Variants in MINAR1 observed in about 807,000 individuals in gnomAD.
The protein encoded by MINAR1 is membrane integral NOTCH2 associated receptor 1, also known as major intrinsically disordered Notch2-binding receptor 1.
Under a neutral mutation model 65.1 loss-of-function variants are expected in MINAR1, and 40 were observed. The ratio of observed to expected loss-of-function variants is 0.61; its 90% confidence interval spans 0.48 to 0.80. MINAR1 has a LOEUF of 0.80. Ranked by LOEUF, MINAR1 falls within the 30% of genes least tolerant of loss-of-function variation. The pLI, the probability that MINAR1 is intolerant of heterozygous loss-of-function variation, is 0.00. For synonymous variants in MINAR1, 482 were observed against 449.1 expected, an observed-to-expected ratio of 1.07 and a Z score of -0.93; for missense variants, 1,128 against 1,148.0, an observed-to-expected ratio of 0.98 and a Z score of 0.25.
chr15:79,469,794 T>TTA lies in MINAR1; in HGVS notation c.*1418_*1419dup, dbSNP rs1896008468. 6.6e-6 allele frequency: 1 copy of TTA among 152,620 alleles called. No homozygotes were observed. The highest frequency in any genetic ancestry group is 6.5e-5 in the Admixed American group (1 of 15,284). 9.5% of individuals were successfully genotyped at this position (152,620 alleles called of 1,614,324 possible). A position where few individuals can be genotyped will look rare whatever the true frequency, so the allele number is the denominator to read the frequency against. On this transcript the variant is annotated 3_prime_UTR_variant, in exon 4 of 4. Coordinates refer to ENST00000305428, the MANE Select transcript of MINAR1 (RefSeq NM_015206.3). Reference sequence around the variant, plus strand: ...AAAGGATTGACAGAAACTAGCTACCTTATATATATTTTTTGATAATAAGGT... The same window carrying TTA: ...AAAGGATTGACAGAAACTAGCTACCTTATATATATATTTTTTGATAATAAGGT...
chr15:79,440,775 T>C (rs1228176472), intron 1 of MINAR1, among the ~76,000 whole-genome samples: 3 of 152,198 alleles, frequency 2.0e-5, no homozygotes, highest in Non-Finnish European at 2.9e-5. Context: ...TTTACAGTTG[T>C]AATACCTCCC....
At chr15:79,454,311 A>G (rs1277042684) in intron 1 of MINAR1, among the ~76,000 whole-genome samples, 1 of 152,208 alleles carries the variant, frequency 6.6e-6, no homozygotes, top group South Asian at 2.1e-4. Flanking sequence ...ATAGAAGCCT[A>G]TTGGGAGTGG....
In MINAR1 at chr15:79,456,333, C is replaced by T. The variant is rs1361392847; in HGVS notation, c.186C>T (p.Ala62=). 1.2e-6 allele frequency: 2 copies of T among 1,614,224 alleles called. No individual in the cohort carries two copies. Among genetic ancestry groups the T allele is most frequent in the Admixed American group, 3.3e-5 (2 of 60,030 alleles). The part of the protein sequence containing the change: ...YTACLDPNFP[A]TLFKDKMKCT... ...CTTGTCTCGATCCCAATTTTCCAGC[C>T]ACGCTATTCAAAGACAAGATGAAAT... Residue 62 remains alanine, a synonymous_variant, in exon 2 of 4, where the codon GCC becomes GCT. Transcript: ENST00000305428.
chr15:79,442,940 G>A (rs1567051905), intron 1 of MINAR1, among the ~76,000 whole-genome samples: 1 of 152,110 alleles, frequency 6.6e-6, no homozygotes, highest in Admixed American at 6.5e-5. Flanking sequence ...TATAGTTCAA[G>A]TCCCACCTGC....
upstream of MINAR1, among the ~76,000 whole-genome samples, chr15:79,431,774 G>A (rs140290666): frequency 2.5e-4 from 38 of 152,326 alleles, 1 homozygote; most frequent in East Asian, 7.2e-3. Flanking sequence ...CCCCGCGGGT[G>A]GCTCCGGGTG....
the MINAR1 span, chr15:79,424,014 A>G: frequency 5.3e-5 from 8 of 152,226 alleles, no homozygotes; most frequent in Non-Finnish European, 1.2e-4. Context: ...ATCTGGTGCT[A>G]ACAGAGCTAT....
At position 79,468,423 on chromosome 15, in the gene MINAR1, A is replaced by C; in HGVS notation, c.*39A>C. ...CCTTACGTACAGCTTATGACTACCA[A>C]TGTCGTCGTCTGTATCTTAGAATCT... On this transcript the variant is annotated 3_prime_UTR_variant, in exon 4 of 4. Transcript: ENST00000305428. 1 of 1,567,684 alleles carries C rather than the reference A, an allele frequency of 6.4e-7. No individual in the cohort carries two copies. Among genetic ancestry groups the C allele is most frequent in the Non-Finnish European group, 8.7e-7 (1 of 1,144,022 alleles).
At position 79,463,395 on chromosome 15, in the gene MINAR1, C is replaced by CG. The variant is rs1387848706; in HGVS notation, c.2553+76dup. ...CAAATGCCCTGGAATGGATCACGGA[C>CG]GGCTTAGACCGGCCAGCCCACTTCC... On this transcript the variant is annotated intron_variant, in intron 3 of 3. Transcript: ENST00000305428. 7 of 1,551,906 alleles carry CG rather than the reference C, an allele frequency of 4.5e-6. No homozygotes were observed. In the African/African-American group the frequency reaches 6.8e-5, roughly 15 times the overall value.
chr15:79,422,803 G>C, the MINAR1 span: 1 of 152,220 alleles, frequency 6.6e-6, no homozygotes. Context: ...CCAGACCACA[G>C]AAGAAGGTAA....
At chr15:79,435,374 C>T (rs1343425588) in intron 1 of MINAR1, among the ~76,000 whole-genome samples, 6 of 152,200 alleles carry the variant, frequency 3.9e-5, no homozygotes, top group African/African-American at 1.2e-4. Flanking sequence ...CCTTTGGAAC[C>T]CCTACAGGCT....
At chr15:79,467,048 C>T (rs915412890) in intron 3 of MINAR1, among the ~76,000 whole-genome samples, 5 of 152,118 alleles carry the variant, frequency 3.3e-5, no homozygotes, top group African/African-American at 1.2e-4. Context: ...TGTCCATGTA[C>T]GTTATATTCC....
chr15:79,453,661 A>T (rs1895316574), intron 1 of MINAR1, among the ~76,000 whole-genome samples: 1 of 152,238 alleles, frequency 6.6e-6, no homozygotes, highest in Non-Finnish European at 1.5e-5. Flanking sequence ...ACTGATCATT[A>T]CATGCACCTG....
the MINAR1 span, chr15:79,425,638 C>T: frequency 6.6e-6 from 1 of 152,110 alleles, no homozygotes; most frequent in Non-Finnish European, 1.5e-5. Flanking sequence ...GGACTCTTCC[C>T]CAGACATCCA....
At chr15:79,451,077 C>G (rs571622018) in intron 1 of MINAR1, among the ~76,000 whole-genome samples, 54 of 152,292 alleles carry the variant, frequency 3.5e-4, no homozygotes, top group African/African-American at 8.2e-4. Flanking sequence ...GCCCCTGTCG[C>G]TCCTCTCTAC....
At chr15:79,417,103 A>G in the MINAR1 span, 1 of 152,220 alleles carries the variant, frequency 6.6e-6, no homozygotes, top group Non-Finnish European at 1.5e-5. Flanking sequence ...GCAGGCTCCA[A>G]CACAAGCAGG....
At position 79,440,347 on chromosome 15, in the gene MINAR1, G is replaced by C. The variant is rs955124050; in HGVS notation, c.-51+7807G>C. Among the ~76,000 whole-genome samples the C allele has an allele frequency of 6.6e-5, 10 of 152,356 alleles. No homozygotes were observed. The South Asian group carries it at 1.2e-3, about 19-fold the overall frequency. ...ATCAACCCAAAAGATGCAGGGAGCTGCAGCCAGGTCCTGAAGCAAATGGGA... is the reference window on the plus strand; with the variant it reads ...ATCAACCCAAAAGATGCAGGGAGCTCCAGCCAGGTCCTGAAGCAAATGGGA... On this transcript the variant is annotated intron_variant, in intron 1 of 3. Transcript: ENST00000305428.
At chr15:79,447,679 C>T (rs189070887) in intron 1 of MINAR1, among the ~76,000 whole-genome samples, 23 of 152,252 alleles carry the variant, frequency 1.5e-4, no homozygotes, top group African/African-American at 5.5e-4. Context: ...ACATTAGCAG[C>T]ATGGAACTGA....
At chr15:79,428,722 T>C (rs1278739625), upstream of MINAR1, among the ~76,000 whole-genome samples, 1 of 152,190 alleles carries the variant, frequency 6.6e-6, no homozygotes, top group Non-Finnish European at 1.5e-5. Context: ...TTTACCTAGA[T>C]AGTAGGTGAG....
In MINAR1 at chr15:79,470,617, A is replaced by G. The variant is rs1334711230; in HGVS notation, c.*2233A>G. Reference sequence around the variant, plus strand: ...AGCTACCTTGGGAAGGCATGACTATAAGTCACACCTCAGGCTTGGAAATGA... The same window carrying G: ...AGCTACCTTGGGAAGGCATGACTATGAGTCACACCTCAGGCTTGGAAATGA... On this transcript the variant is annotated 3_prime_UTR_variant, in exon 4 of 4. Coordinates refer to ENST00000305428, the MANE Select transcript of MINAR1 (RefSeq NM_015206.3). The G allele has an allele frequency of 6.6e-6, 1 of 152,244 alleles. No individual in the cohort carries two copies. The highest frequency in any genetic ancestry group is 1.5e-5 in the Non-Finnish European group (1 of 68,056). The allele number at this position is 152,244 out of a possible 1,614,324, so 9.4% of individuals were successfully genotyped here. A position where few individuals can be genotyped will look rare whatever the true frequency, so the allele number is the denominator to read the frequency against.
Sources: gnomAD v4.1 joint callset for allele counts (sites outside exome capture counted in the v4.1 genomes callset) on GRCh38, gnomAD v4.1.1 for gene constraint, MANE v1.5 for transcripts, NCBI Gene and HGNC (gene_info 2026-07-23, HGNC 2026-07-21) for gene names.